The following CD99L2 variants were observed in gnomAD, a reference collection of about 807,000 sequenced individuals.
CD99L2 encodes the protein CD99 antigen-like protein 2.
In CD99L2, 24 loss-of-function variants were observed where a neutral mutation model predicts 27.3. The ratio of observed to expected loss-of-function variants is 0.88; its 90% CI spans 0.64 to 1.24. CD99L2 has a LOEUF of 1.24. Among genes scored for constraint, CD99L2 ranks in the 50% most tolerant of loss-of-function variants. The probability of loss-of-function intolerance (pLI) is 0.00; values close to 1 mark genes in which losing one functional copy is unlikely to be tolerated. For missense variants in CD99L2, 255 were observed against 221.6 expected (o/e 1.15, Z -0.96); for synonymous variants, 97 against 87.9 (o/e 1.10, Z -0.58).
intron 1 of CD99L2, among the ~76,000 whole-genome samples, chrX:150,896,154 C>CT (rs1434345875): frequency 9.0e-6 from 1 of 111,144 alleles, no homozygotes; most frequent in African/African-American, 3.3e-5. Context: ...AATCCCAGAA[C>CT]TTTGGGAGGC....
At chrX:150,876,008 T>A (rs1336601598) in intron 1 of CD99L2, among the ~76,000 whole-genome samples, 1 of 112,549 alleles carries the variant, frequency 8.9e-6, no homozygotes, top group East Asian at 2.8e-4. Context: ...CCTTTGTTCA[T>A]GTCGCATGAT....
intron 7 of CD99L2, among the ~76,000 whole-genome samples, chrX:150,784,513 A>G (rs2045564301): frequency 8.9e-6 from 1 of 111,967 alleles, no homozygotes; most frequent in Admixed American, 9.5e-5. Flanking sequence ...CTTATAGAGC[A>G]GACACAGGGT....
rs1434823660 is a variant in CD99L2, at chrX:150,781,923, TA to T, written c.497-4442del. On this transcript the variant is annotated intron_variant, in intron 7 of 10. Transcript: ENST00000370377. ...ATCTCACAGACAAAAGACAATGCTA[TA>T]CGCATACATGGCAGCCTTGATTCCT... 3.6e-5 allele frequency among the ~76,000 whole-genome samples: 4 copies of T among 112,265 alleles called. No individual in the cohort carries two copies. In the East Asian group the frequency reaches 1.1e-3, roughly 31 times the overall value.
At chrX:150,833,054 C>CA (rs371565041) in intron 1 of CD99L2, among the ~76,000 whole-genome samples, 212 of 44,204 alleles carry the variant, frequency 4.8e-3, no homozygotes, top group African/African-American at 9.3e-3. Context: ...GACTCTGTCT[C>CA]AAAAAAAAAA....
At chrX:150,844,264 A>G (rs1557421415) in intron 1 of CD99L2, among the ~76,000 whole-genome samples, 3 of 112,544 alleles carry the variant, frequency 2.7e-5, no homozygotes, top group African/African-American at 9.7e-5. Context: ...TAATCAAAGG[A>G]AAGCCTGCAG....
intron 1 of CD99L2, among the ~76,000 whole-genome samples, chrX:150,858,124 A>T (rs1220423307): frequency 8.9e-6 from 1 of 112,671 alleles, no homozygotes; most frequent in Non-Finnish European, 1.9e-5. Context: ...GTCATTGTAT[A>T]ATGATAAAGG....
At chrX:150,817,000 G>C (rs1557420517) in intron 2 of CD99L2, among the ~76,000 whole-genome samples, 1 of 85,945 alleles carries the variant, frequency 1.2e-5, no homozygotes, top group African/African-American at 4.4e-5. Context: ...TGAACAATGA[G>C]AACACATGGA....
chrX:150,866,492 G>C (rs2047063124), intron 1 of CD99L2, among the ~76,000 whole-genome samples: 1 of 111,217 alleles, frequency 9.0e-6, no homozygotes, highest in South Asian at 3.8e-4. Flanking sequence ...CAATACTTTG[G>C]GAGGCCAAGG....
At chrX:150,890,101 C>T (rs1002727231) in intron 1 of CD99L2, among the ~76,000 whole-genome samples, 2 of 108,681 alleles carry the variant, frequency 1.8e-5, no homozygotes, top group Non-Finnish European at 3.8e-5. Flanking sequence ...TGCAGTGAGC[C>T]GAGATCGCAC....
intron 1 of CD99L2, among the ~76,000 whole-genome samples, chrX:150,894,798 A>C (rs1310087099): frequency 5.4e-5 from 6 of 110,549 alleles, no homozygotes; most frequent in Non-Finnish European, 9.5e-5. Context: ...TATGTTACCC[A>C]GGCTGGTCTC....
rs1457175253 is a variant in CD99L2 at position 150,767,813 on chromosome X, C to T, written c.*1221G>A. 1 of 111,587 alleles carries T rather than the reference C, an allele frequency of 9.0e-6. No individual in the cohort carries two copies. Among genetic ancestry groups the T allele is most frequent in the Non-Finnish European group, 1.9e-5 (1 of 52,996 alleles). The allele number at this position is 111,587 out of a possible 1,213,427, so 9.2% of individuals were successfully genotyped here. On this transcript the variant is annotated 3_prime_UTR_variant, in exon 11 of 11. Coordinates refer to ENST00000370377, the MANE Select transcript of CD99L2 (RefSeq NM_031462.4). ...AGTAGACAGGGGCCCTAGACCCTAG[C>T]ATGTGGTTCTGTCCCGTGAGCCTCT...
intron 4 of CD99L2, among the ~76,000 whole-genome samples, chrX:150,809,660 G>A (rs782449539): frequency 9.0e-6 from 1 of 111,464 alleles, no homozygotes; most frequent in Non-Finnish European, 1.9e-5. Context: ...ATGGACAAAA[G>A]ATCCATTCAT....
At chrX:150,832,331 T>G (rs1455943490) in intron 1 of CD99L2, among the ~76,000 whole-genome samples, 1 of 112,407 alleles carries the variant, frequency 8.9e-6, no homozygotes, top group Non-Finnish European at 1.9e-5. Context: ...AAAAATATCT[T>G]GAGACGGCCA....
At chrX:150,802,228 T>A (rs2045918811) in intron 4 of CD99L2, among the ~76,000 whole-genome samples, 1 of 111,526 alleles carries the variant, frequency 9.0e-6, no homozygotes, top group Non-Finnish European at 1.9e-5. Context: ...ATCATAGCAG[T>A]GAACATATCA....
chrX:150,868,885 G>A (rs1013924300), intron 1 of CD99L2, among the ~76,000 whole-genome samples: 2 of 111,792 alleles, frequency 1.8e-5, no homozygotes, highest in African/African-American at 6.5e-5. Context: ...GGCAGAAGAT[G>A]ATTAAAACTG....
intron 10 of CD99L2, among the ~76,000 whole-genome samples, chrX:150,769,976 C>A (rs1351458882): frequency 8.8e-6 from 1 of 113,105 alleles, no homozygotes; most frequent in Non-Finnish European, 1.9e-5. Flanking sequence ...AAAGCTTCCC[C>A]ATGGCTCTGT....
intron 2 of CD99L2, among the ~76,000 whole-genome samples, chrX:150,826,272 G>T (rs1557420919): frequency 8.9e-6 from 1 of 111,780 alleles, no homozygotes. Context: ...AAGGCATTTT[G>T]TTATGGCAGC....
intron 9 of CD99L2, among the ~76,000 whole-genome samples, chrX:150,770,639 C>T (rs953844437): frequency 3.5e-5 from 4 of 113,153 alleles, no homozygotes; most frequent in African/African-American, 1.3e-4. Context: ...CCTCATAGGG[C>T]AGCTGCCACC....
intron 1 of CD99L2, among the ~76,000 whole-genome samples, chrX:150,879,895 A>C (rs2047298673): frequency 1.1e-5 from 1 of 95,111 alleles, no homozygotes; most frequent in Admixed American, 1.2e-4. Flanking sequence ...ACTGCACTCC[A>C]GCCTGGGTGA....
Sources: allele counts gnomAD v4.1 joint callset (sites outside exome capture counted in the v4.1 genomes callset), GRCh38; gene constraint gnomAD v4.1.1; transcripts MANE v1.5; gene names NCBI Gene and HGNC (gene_info 2026-07-23, HGNC 2026-07-21).